The following ADGRG5 variants were observed in gnomAD, a reference collection of about 807,000 sequenced individuals.
ADGRG5 encodes adhesion G protein-coupled receptor G5, also known as G protein-coupled receptor 114.
Under a neutral mutation model 53.2 loss-of-function variants are expected in ADGRG5, and 37 were observed. That is an observed-to-expected ratio of 0.70 (90% CI 0.53 to 0.91). The LOEUF (loss-of-function observed/expected upper bound fraction) is 0.91, where lower values mean the gene tolerates loss of function less well. ADGRG5 is among the 40% of genes least tolerant of loss of function. ADGRG5 has a pLI of 0.00. For synonymous variants in ADGRG5, 277 were observed against 290.4 expected (o/e 0.95, Z 0.47); for missense variants, 614 against 675.8 (o/e 0.91, Z 1.01).
chr16:57,551,178 G>C (rs775541248), intron 1 of ADGRG5, among the ~76,000 whole-genome samples: 2 of 152,136 alleles, frequency 1.3e-5, no homozygotes, highest in East Asian at 3.9e-4. Flanking sequence ...CAAATCACAC[G>C]CTTTTTTGCT....
At chr16:57,568,791 C>T (rs111218339) in intron 9 of ADGRG5, among the ~76,000 whole-genome samples, 1 of 148,312 alleles carries the variant, frequency 6.7e-6, no homozygotes, top group Non-Finnish European at 1.5e-5. Flanking sequence ...CCATCACTAC[C>T]TCCTCCACCT....
intron 5 of ADGRG5, among the ~76,000 whole-genome samples, chr16:57,564,473 C>A (rs535229273): frequency 6.6e-6 from 1 of 152,072 alleles, no homozygotes; most frequent in Admixed American, 6.6e-5. Context: ...AGCTAATTTT[C>A]GTATTTTTAG....
upstream of ADGRG5, among the ~76,000 whole-genome samples, chr16:57,541,333 T>G (rs1371791532): frequency 6.6e-6 from 1 of 152,130 alleles, no homozygotes; most frequent in African/African-American, 2.4e-5. Flanking sequence ...TAGAGGTAGC[T>G]GGGTGACCTC....
At chr16:57,533,901 C>T in the ADGRG5 span, among the ~76,000 whole-genome samples, 14 of 152,266 alleles carry the variant, frequency 9.2e-5, no homozygotes, top group South Asian at 2.3e-3. Context: ...TGTCTATGTG[C>T]GTGGGGCGTG....
intron 11 of ADGRG5, 49 bp downstream of exon 11, chr16:57,575,141 G>A (rs377515471): frequency 3.8e-6 from 6 of 1,571,456 alleles, no homozygotes; most frequent in Non-Finnish European, 5.2e-6. Flanking sequence ...GGGGGTGTAT[G>A]GCTGGTGGGA....
chr16:57,561,614 G>C (rs1328543593), intron 1 of ADGRG5, among the ~76,000 whole-genome samples: 1 of 152,208 alleles, frequency 6.6e-6, no homozygotes, highest in Non-Finnish European at 1.5e-5. Context: ...TGAAGCAGAA[G>C]TTTATTAGTT....
At chr16:57,537,678 A>G (rs2032424249), upstream of ADGRG5, among the ~76,000 whole-genome samples, 1 of 151,856 alleles carries the variant, frequency 6.6e-6, no homozygotes, top group Non-Finnish European at 1.5e-5. Context: ...GGTCTGGGTC[A>G]CTTCCCTTGC....
the ADGRG5 span, among the ~76,000 whole-genome samples, chr16:57,537,601 A>C: frequency 1.3e-5 from 2 of 152,100 alleles, no homozygotes; most frequent in Admixed American, 6.5e-5. Context: ...TTTTGCAAAA[A>C]TATTTGAGAG....
chr16:57,536,147 C>T, the ADGRG5 span, among the ~76,000 whole-genome samples: 1 of 152,284 alleles, frequency 6.6e-6, no homozygotes, highest in South Asian at 2.1e-4. Flanking sequence ...GTCCATCCCG[C>T]ATTCGCCATG....
At chr16:57,567,125 G>T (rs1272716875) in intron 7 of ADGRG5, among the ~76,000 whole-genome samples, 1 of 152,166 alleles carries the variant, frequency 6.6e-6, no homozygotes, top group Non-Finnish European at 1.5e-5. Context: ...ACCCAGTTCT[G>T]CCAGCCATGT....
At chr16:57,550,622 G>A (rs1337861107) in intron 1 of ADGRG5, among the ~76,000 whole-genome samples, 2 of 152,094 alleles carry the variant, frequency 1.3e-5, no homozygotes, top group African/African-American at 4.8e-5. Context: ...TTTCCAAGGA[G>A]TTTTACAGGC....
At chr16:57,563,602 G>A (rs750286298) in intron 4 of ADGRG5, among the ~76,000 whole-genome samples, 34 of 152,328 alleles carry the variant, frequency 2.2e-4, no homozygotes, top group Middle Eastern at 3.4e-3. Context: ...TGGTGCTGGG[G>A]CTGGGTGCTG....
chr16:57,532,618 C>G, the ADGRG5 span, among the ~76,000 whole-genome samples: 2 of 151,998 alleles, frequency 1.3e-5, no homozygotes, highest in African/African-American at 4.8e-5. Context: ...ACAGACACGC[C>G]TGAAGACACA....
At chr16:57,547,424 A>G (rs747880255) in intron 1 of ADGRG5, among the ~76,000 whole-genome samples, 1 of 152,008 alleles carries the variant, frequency 6.6e-6, no homozygotes, top group African/African-American at 2.4e-5. Flanking sequence ...CTTCTTTTAC[A>G]TGGCTTTGTT....
At chr16:57,533,118 G>A in the ADGRG5 span, among the ~76,000 whole-genome samples, 1 of 152,196 alleles carries the variant, frequency 6.6e-6, no homozygotes, top group East Asian at 1.9e-4. Flanking sequence ...TAAAGGCAGA[G>A]ATGGGGGCTC....
chr16:57,542,792 G>A (rs2032518486), intron 1 of ADGRG5, 91 bp downstream of exon 1: 1 of 152,390 alleles, frequency 6.6e-6, no homozygotes, highest in Non-Finnish European at 1.5e-5. Flanking sequence ...CCATACCCAT[G>A]TCCAGGTGGG....
intron 10 of ADGRG5, among the ~76,000 whole-genome samples, chr16:57,570,877 C>T (rs1164402627): frequency 6.6e-6 from 1 of 152,168 alleles, no homozygotes; most frequent in Non-Finnish European, 1.5e-5. Context: ...GACTCTGTTC[C>T]CCTGCAGACC....
chr16:57,560,869 C>G (rs1567618342), intron 1 of ADGRG5, among the ~76,000 whole-genome samples: 1 of 152,152 alleles, frequency 6.6e-6, no homozygotes, highest in African/African-American at 2.4e-5. Context: ...ACTGCAGCCT[C>G]CATCTCCTGG....
chr16:57,560,546 C>T (rs1401798296), intron 1 of ADGRG5, among the ~76,000 whole-genome samples: 1 of 152,152 alleles, frequency 6.6e-6, no homozygotes, highest in Non-Finnish European at 1.5e-5. Flanking sequence ...GGGCATAACC[C>T]TGGTTGCTGC....
Sources: gnomAD v4.1 joint callset for allele counts (sites outside exome capture counted in the v4.1 genomes callset) on GRCh38, gnomAD v4.1.1 for gene constraint, MANE v1.5 for transcripts, NCBI Gene and HGNC (gene_info 2026-07-23, HGNC 2026-07-21) for gene names.